TMEM181: variants seen among roughly 807,000 people sequenced by gnomAD.
TMEM181 encodes the protein transmembrane protein 181, also known as G protein-coupled receptor 178.
Under a neutral mutation model 71.9 loss-of-function variants are expected in TMEM181, and 39 were observed. That is an observed-to-expected ratio of 0.54 (90% CI 0.42 to 0.71). The LOEUF is 0.71. Among genes scored for constraint, TMEM181 ranks in the 30% least tolerant of loss-of-function variants. TMEM181 has a pLI of 0.00. For synonymous variants in TMEM181, 245 were observed against 228.8 expected, an observed-to-expected ratio of 1.07 and a Z score of -0.64; for missense variants, 595 against 583.0, an observed-to-expected ratio of 1.02 and a Z score of -0.21.
chr6:158,581,039 T>G, intron 3 of TMEM181, 44 bp downstream of exon 3: 1 of 1,565,626 alleles, frequency 6.4e-7, no homozygotes, highest in Non-Finnish European at 8.8e-7. Flanking sequence ...GGGTGCATTA[T>G]AAACCTCAGG....
intron 1 of TMEM181, among the ~76,000 whole-genome samples, chr6:158,550,703 C>G (rs893200586): frequency 6.6e-6 from 1 of 151,784 alleles, no homozygotes; most frequent in Non-Finnish European, 1.5e-5. Flanking sequence ...GTCTTAGGAA[C>G]AGAGTAGTCC....
chr6:158,589,674 A>C lies in TMEM181; in HGVS notation c.384A>C (p.Lys128Asn). 1 of 1,613,486 alleles carries C rather than the reference A, an allele frequency of 6.2e-7. No homozygotes were observed. The highest frequency in any genetic ancestry group is 8.5e-7 in the Non-Finnish European group (1 of 1,179,462). The change falls in exon 6 of 17, where the codon AAA becomes AAC. Residue 128 changes from lysine to asparagine, a missense_variant and splice_region_variant. Physicochemically the swap from Lys to Asn is moderately conservative, Grantham distance 94 (BLOSUM62 0). Coordinates refer to ENST00000684151, the MANE Select transcript of TMEM181 (RefSeq NM_001376852.1). ...CAAATCTTTCTGTGTATTTGCAGAA[A>C]TGTGCGGAGATTATTGTGGCTCACC... Reference protein sequence around the residue: ...NRTRTLTCAGKCAEIIVAHLG... With the variant: ...NRTRTLTCAGNCAEIIVAHLG...
chr6:158,582,319 C>T (rs998240507), intron 3 of TMEM181, among the ~76,000 whole-genome samples: 34 of 152,124 alleles, frequency 2.2e-4, no homozygotes, highest in Non-Finnish European at 1.5e-5. Context: ...GACTTGCTTC[C>T]AAGAGACCAT....
intron 1 of TMEM181, among the ~76,000 whole-genome samples, chr6:158,546,921 C>G (rs1477190217): frequency 1.3e-5 from 2 of 152,108 alleles, no homozygotes; most frequent in African/African-American, 4.8e-5. Flanking sequence ...GATTGCACCA[C>G]TGCACTCCAG....
chr6:158,557,891 T>C (rs746073766), upstream of TMEM181, among the ~76,000 whole-genome samples: 2 of 152,242 alleles, frequency 1.3e-5, no homozygotes, highest in Non-Finnish European at 2.9e-5. Context: ...TGTCTATTCG[T>C]GTTGTGTTTC....
intron 1 of TMEM181, among the ~76,000 whole-genome samples, chr6:158,555,051 A>AATTATAT (rs1230736125): frequency 1.1e-4 from 17 of 152,238 alleles, no homozygotes; most frequent in Admixed American, 6.5e-5. Flanking sequence ...GGACTGGCTG[A>AATTATAT]ATTATATAAG....
intron 2 of TMEM181, among the ~76,000 whole-genome samples, chr6:158,575,274 A>G (rs758953692): frequency 6.6e-6 from 1 of 152,278 alleles, no homozygotes; most frequent in Non-Finnish European, 1.5e-5. Context: ...CTTAGGGACT[A>G]TTGGCTTAGT....
intron 6 of TMEM181, among the ~76,000 whole-genome samples, chr6:158,594,744 A>G (rs1784300845): frequency 6.6e-6 from 1 of 152,054 alleles, no homozygotes; most frequent in Non-Finnish European, 1.5e-5. Flanking sequence ...GCTGAGTGCA[A>G]TGGCACAATC....
At chr6:158,608,269 G>T in intron 8 of TMEM181, 64 bp from the exon 9 acceptor site, 1 of 1,568,452 alleles carries the variant, frequency 6.4e-7, no homozygotes, top group Non-Finnish European at 8.6e-7. Flanking sequence ...AGAGGTATGG[G>T]GTGCTGTCTG....
At chr6:158,540,543 G>C (rs1781303248) in intron 1 of TMEM181, among the ~76,000 whole-genome samples, 1 of 152,218 alleles carries the variant, frequency 6.6e-6, no homozygotes, top group South Asian at 2.1e-4. Context: ...CACTTTGGGA[G>C]GCCAAGGCAG....
chr6:158,631,569 C>T (rs1036944335), intron 16 of TMEM181, among the ~76,000 whole-genome samples, 180 bp downstream of exon 16: 5 of 152,138 alleles, frequency 3.3e-5, no homozygotes, highest in Admixed American at 3.3e-4. Flanking sequence ...TGGTAGTAGT[C>T]CTTTCTGCTG....
At chr6:158,554,365 C>CGTGAGCCA (rs1277363811) in intron 1 of TMEM181, among the ~76,000 whole-genome samples, 3 of 152,010 alleles carry the variant, frequency 2.0e-5, no homozygotes, top group Admixed American at 6.6e-5. Context: ...GGATTACAGG[C>CGTGAGCCA]GTGAGCCACC....
intron 3 of TMEM181, among the ~76,000 whole-genome samples, chr6:158,582,888 G>C (rs1463036469): frequency 1.3e-5 from 2 of 152,100 alleles, no homozygotes; most frequent in African/African-American, 2.4e-5. Flanking sequence ...TCTTTCAGAA[G>C]GCTAAAAATA....
chr6:158,611,874 G>A (rs192432132), intron 10 of TMEM181, among the ~76,000 whole-genome samples: 2 of 152,162 alleles, frequency 1.3e-5, no homozygotes, highest in Admixed American at 6.5e-5. Flanking sequence ...GGCAGAAGAG[G>A]TTATCACAGG....
chr6:158,608,032 A>T (rs920026768), intron 8 of TMEM181, among the ~76,000 whole-genome samples: 1 of 152,266 alleles, frequency 6.6e-6, no homozygotes, highest in Non-Finnish European at 1.5e-5. Context: ...TGATCAGTGC[A>T]GCAATCTGTT....
At chr6:158,598,254 G>C (rs1025711675) in intron 6 of TMEM181, among the ~76,000 whole-genome samples, 1 of 152,186 alleles carries the variant, frequency 6.6e-6, no homozygotes, top group African/African-American at 2.4e-5. Flanking sequence ...AGCACCCTGA[G>C]TCCTCTTGGT....
At chr6:158,587,017 C>A (rs764365895) in intron 5 of TMEM181, among the ~76,000 whole-genome samples, 15 of 152,168 alleles carry the variant, frequency 9.9e-5, no homozygotes, top group Non-Finnish European at 2.1e-4. Context: ...TATCCGAGCG[C>A]CTGGTGGCCA....
intron 9 of TMEM181, 57 bp downstream of exon 9, chr6:158,608,520 G>T (rs577647028): frequency 6.2e-7 from 1 of 1,612,488 alleles, no homozygotes; most frequent in Non-Finnish European, 8.5e-7. Flanking sequence ...CCTCCCTCCC[G>T]AACTCTGAGG....
intron 10 of TMEM181, chr6:158,611,135 G>T: frequency 1.9e-6 from 1 of 526,670 alleles, no homozygotes. Flanking sequence ...TTTCTCCTGA[G>T]GGTCTGTGAC....
Sources: allele counts gnomAD v4.1 joint callset (sites outside exome capture counted in the v4.1 genomes callset), GRCh38; gene constraint gnomAD v4.1.1; transcripts MANE v1.5; gene names NCBI Gene and HGNC (gene_info 2026-07-23, HGNC 2026-07-21).